Variants in OTOA observed in about 807,000 individuals in gnomAD.
OTOA encodes otoancorin.
Under a neutral mutation model 110.8 loss-of-function variants are expected in OTOA, and 70 were observed. That is an observed-to-expected ratio of 0.63 (90% CI 0.52 to 0.77). The LOEUF (loss-of-function observed/expected upper bound fraction) is 0.77, where lower values mean the gene tolerates loss of function less well. OTOA is among the 30% of genes least tolerant of loss of function. The pLI is 0.00. For missense variants in OTOA, 917 were observed against 1,075.8 expected (o/e 0.85, Z 2.06); for synonymous variants, 373 against 431.5 (o/e 0.86, Z 1.68).
rs1340937598 is a variant in OTOA, at chr16:21,710,099, A to C, written c.1316A>C (p.Glu439Ala). 6.2e-7 allele frequency: 1 copy of C among 1,612,130 alleles called. No individual in the cohort carries two copies. The highest frequency in any genetic ancestry group is 1.1e-5 in the South Asian group (1 of 90,674). ...TTGTCTGCCAAATACTTGGCCCATGAGAAGGTCAGCTGGAGTTTTAAACTC... is the reference window on the plus strand; with the variant it reads ...TTGTCTGCCAAATACTTGGCCCATGCGAAGGTCAGCTGGAGTTTTAAACTC... ...IILSAKYLAH[E>A]KVLSFYNVSQ... The change falls in exon 13 of 29, where the codon GAG (glutamate) becomes GCG (alanine). Residue 439 changes from glutamate (E) to alanine (A), a missense_variant. Glu to Ala is a moderately radical substitution (Grantham distance 107). Transcript: ENST00000646100.
rs1966865850 is a variant in OTOA, at chr16:21,678,373, T to C, written c.-4-138T>C. 10 of 540,674 alleles carry C rather than the reference T, an allele frequency of 1.8e-5. No homozygotes were observed. In the South Asian group the frequency reaches 2.2e-4, roughly 12 times the overall value. 33.5% of individuals were successfully genotyped at this position (540,674 alleles called of 1,614,324 possible). On this transcript the variant is annotated intron_variant, in intron 1 of 28. Transcript: ENST00000646100. ...AAAAAAGACTTCAAGGGATTCTGGG[T>C]GTACTTGGTTTTTCCTTTTGTCTTC...
At position 21,691,605 on chromosome 16, in the gene OTOA, C is replaced by G; in HGVS notation, c.657C>G (p.Leu219=). The G allele has an allele frequency of 2.5e-6, 4 of 1,613,792 alleles. No individual in the cohort carries two copies. Among genetic ancestry groups the G allele is most frequent in the Non-Finnish European group, 3.4e-6 (4 of 1,179,768 alleles). Residue 219 remains leucine (L), a synonymous_variant, in exon 9 of 29, where the codon CTC becomes CTG. Transcript: ENST00000646100. ...TTAGATCTGCAGTGTTCAAAGATCT[C>G]TACGACAAAACCTCGGCTCATTCCC... ...FKNLSAVFKD[L]YDKTSAHSQR... is the part of the protein sequence containing the mutation.
At chr16:21,688,795 T>C (rs1897772482) in intron 8 of OTOA, among the ~76,000 whole-genome samples, 1 of 152,190 alleles carries the variant, frequency 6.6e-6, no homozygotes, top group Non-Finnish European at 1.5e-5. Flanking sequence ...CACCTCTTAA[T>C]ACCTTCATGT....
intron 13 of OTOA, among the ~76,000 whole-genome samples, chr16:21,710,835 T>C (rs1308026849): frequency 1.3e-5 from 2 of 152,076 alleles, no homozygotes; most frequent in Non-Finnish European, 2.9e-5. Context: ...AAATCCCGTC[T>C]CTACTAAAAA....
rs543653418 is a variant in OTOA, at chr16:21,693,271, GCAAACAAA to G, written c.739+1601_739+1608del. ...GTAGTGAGACCTTGTCGCAAAACAA[GCAAACAAA>G]CAAACAAACAAACAAAACAGCGATA... On this transcript the variant is annotated intron_variant, in intron 9 of 28. Transcript: ENST00000646100. Among the ~76,000 whole-genome samples, 62 of 152,062 alleles carry G rather than the reference GCAAACAAA, an allele frequency of 4.1e-4. 1 individual carries two copies. The highest frequency in any genetic ancestry group is 8.3e-4 in the South Asian group (4 of 4,826).
rs181887814 is a variant in OTOA at position 21,713,115 on chromosome 16, C to T, written c.1321-1870C>T. Among the ~76,000 whole-genome samples, 251 of 152,080 alleles carry T rather than the reference C, an allele frequency of 1.7e-3. 1 individual carries two copies. The highest frequency in any genetic ancestry group is 5.9e-3 in the African/African-American group (246 of 41,494). ...AGTAGCTGGGACCACAGGCACATGC[C>T]ACTACGCCGGGCTGATTTTTGTATT... On this transcript the variant is annotated intron_variant, in intron 13 of 28. Transcript: ENST00000646100.
At chr16:21,732,940 C>CTT (rs1484926317) in intron 21 of OTOA, among the ~76,000 whole-genome samples, 1 of 116,822 alleles carries the variant, frequency 8.6e-6, no homozygotes, top group African/African-American at 3.1e-5. Flanking sequence ...TCTGTATACT[C>CTT]TTTTTTTAAA....
At position 21,754,064 on chromosome 16, in the gene OTOA, C is replaced by CTA. The variant is rs200806615; in HGVS notation, c.3153+941_3153+942insAT. Among the ~76,000 whole-genome samples, 13 of 137,092 alleles carry CTA rather than the reference C, an allele frequency of 9.5e-5. 2 individuals are homozygous for CTA. Among genetic ancestry groups the CTA allele is most frequent in the East Asian group, 2.3e-4 (1 of 4,348 alleles). 89.9% of individuals were successfully genotyped at this position (137,092 alleles called of 152,430 possible). A position where few individuals can be genotyped will look rare whatever the true frequency, so the allele number is the denominator to read the frequency against. ...AACAAGAGCGAAACCATCTCTCTCT[C>CTA]TCTATATATATATATTTTTTTCTAT... On this transcript the variant is annotated intron_variant, in intron 27 of 28. Transcript: ENST00000646100.
chr16:21,725,075 C>T (rs1000774737), intron 18 of OTOA, among the ~76,000 whole-genome samples: 4 of 151,840 alleles, frequency 2.6e-5, no homozygotes, highest in Admixed American at 6.6e-5. Context: ...ACCATGCCAG[C>T]TATTAATAGC....
chr16:21,674,877 C>A (rs1597803608), intron 1 of OTOA, among the ~76,000 whole-genome samples: 1 of 77,754 alleles, frequency 1.3e-5, no homozygotes, highest in East Asian at 4.1e-4. Flanking sequence ...CTCCTTTTTG[C>A]TGGATTTTTT....
In OTOA at chr16:21,719,432, C is replaced by G; in HGVS notation, c.1734C>G (p.Ala578=). ...VKGVTCSHID[A]MSTDFFLAHF... ...GCGTGACCTGCTCACACATTGATGC[C>G]ATGAGCACTGACTTCTTTCTGGCCC... Residue 578 remains alanine, a synonymous_variant, in exon 17 of 29, where the codon GCC becomes GCG. Coordinates refer to ENST00000646100, the MANE Select transcript of OTOA (RefSeq NM_144672.4). 6.2e-7 allele frequency: 1 copy of G among 1,614,170 alleles called. No individual in the cohort carries two copies. The highest frequency in any genetic ancestry group is 8.5e-7 in the Non-Finnish European group (1 of 1,180,030).
intron 9 of OTOA, among the ~76,000 whole-genome samples, chr16:21,694,629 C>T (rs563540426): frequency 1.1e-4 from 17 of 151,974 alleles, no homozygotes; most frequent in Middle Eastern, 3.4e-3. Context: ...GAACCAGTCA[C>T]GTAAGGCTCT....
At chr16:21,674,896 CTTTTTTT>C (rs60269668) in intron 1 of OTOA, among the ~76,000 whole-genome samples, 2 of 29,778 alleles carry the variant, frequency 6.7e-5, no homozygotes, top group Non-Finnish European at 1.1e-4. Context: ...TTTTAAAAAT[CTTTTTTT>C]TTTTTTTTTT....
At chr16:21,694,691 T>C (rs215889) in intron 9 of OTOA, among the ~76,000 whole-genome samples, 134,640 of 152,094 alleles carry the variant, frequency 0.89, 60,632 homozygotes, top group Non-Finnish European at 0.99. Flanking sequence ...GGCCCTGAGA[T>C]GGGAATGAGC....
In OTOA at chr16:21,710,021, C is replaced by T; in HGVS notation, c.1238C>T (p.Ala413Val). Residue 413 changes from alanine to valine, a missense_variant, in exon 13 of 29, where the codon GCC becomes GTC. Transcript: ENST00000646100. ...ESLSPEAVHG[A>V]ISTLNQVSGW... is the part of the protein sequence containing the mutation. ...CTCTCCCCCGAGGCTGTGCACGGAG[C>T]CATCTCCACCCTCAACCAGGTCTCA... 2 of 1,614,082 alleles carry T rather than the reference C, an allele frequency of 1.2e-6. No individual in the cohort carries two copies.
At chr16:21,725,336 G>A (rs1898880082) in intron 18 of OTOA, among the ~76,000 whole-genome samples, 1 of 152,154 alleles carries the variant, frequency 6.6e-6, no homozygotes, top group African/African-American at 2.4e-5. Flanking sequence ...CCAGGTTGGA[G>A]TGCAGTGGTG....
chr16:21,694,435 C>G (rs1897892734), intron 9 of OTOA, among the ~76,000 whole-genome samples: 1 of 151,948 alleles, frequency 6.6e-6, no homozygotes, highest in African/African-American at 2.4e-5. Flanking sequence ...AGAGCGAGAC[C>G]TTGTCTCTAA....
chr16:21,707,957 C>G (rs1898242965), intron 12 of OTOA, among the ~76,000 whole-genome samples: 1 of 151,496 alleles, frequency 6.6e-6, no homozygotes, highest in South Asian at 2.1e-4. Context: ...CCACGCCCAG[C>G]TATTTATTGT....
chr16:21,668,046 A>G (rs1464603616), intron 1 of OTOA, among the ~76,000 whole-genome samples: 1 of 152,130 alleles, frequency 6.6e-6, no homozygotes, highest in Non-Finnish European at 1.5e-5. Flanking sequence ...AAAACTATTA[A>G]CAATAATTCT....
Sources: gnomAD v4.1 joint callset for allele counts (sites outside exome capture counted in the v4.1 genomes callset) on GRCh38, gnomAD v4.1.1 for gene constraint, MANE v1.5 for transcripts, NCBI Gene and HGNC (gene_info 2026-07-23, HGNC 2026-07-21) for gene names.